Variants in RNF213 observed in about 807,000 individuals in gnomAD.
RNF213 encodes the protein E3 ubiquitin-protein ligase RNF213.
A neutral mutation model predicts 514.4 loss-of-function variants in RNF213; 341 were observed. The ratio of observed to expected loss-of-function variants is 0.66; its 90% CI spans 0.61 to 0.73. RNF213 has a LOEUF of 0.73. Ranked by LOEUF, RNF213 falls within the 30% of genes least tolerant of loss-of-function variation. The pLI is 0.00. For missense variants in RNF213, 5,767 were observed against 6,615.6 expected (o/e 0.87, Z 4.45); for synonymous variants, 2,655 against 2,658.2 (o/e 1.00, Z 0.04).
rs2078092468 is a variant in RNF213, at chr17:80,339,686, C to T, written c.5319C>T (p.Ser1773=). Residue 1773 remains serine (S), a synonymous_variant, in exon 26 of 68, where the codon AGC becomes AGT. Transcript: ENST00000582970. The part of the protein sequence containing the change: ...ELPLMLLSEF[S]LVDKLRIIME... ...CGCTGATGCTCTTATCAGAGTTCAGCCTGGTGGACAAGCTGAGGATCATCA... is the reference window on the plus strand; with the variant it reads ...CGCTGATGCTCTTATCAGAGTTCAGTCTGGTGGACAAGCTGAGGATCATCA... 2 of 1,537,080 alleles carry T rather than the reference C, an allele frequency of 1.3e-6. No homozygotes were observed. The highest frequency in any genetic ancestry group is 1.2e-5 in the South Asian group (1 of 84,056).
intron 41 of RNF213, 95 bp from the exon 42 acceptor site, chr17:80,364,338 G>C: frequency 1.3e-6 from 2 of 1,573,728 alleles, no homozygotes; most frequent in Non-Finnish European, 1.7e-6. Flanking sequence ...TGGACCCCGG[G>C]TCCCGCATCT....
chr17:80,344,929 C>G lies in RNF213; in HGVS notation c.6594C>G (p.Leu2198=), dbSNP rs769107793. The G allele has an allele frequency of 6.2e-7, 1 of 1,614,054 alleles. No homozygotes were observed. The highest frequency in any genetic ancestry group is 2.2e-5 in the East Asian group (1 of 44,896). The part of the protein sequence containing the change: ...GSVEGTPEEC[L]QHFLFHCGVI... ...TCGAAGGCACCCCGGAGGAATGCCT[C>G]CAGCATTTCCTGTTTCACTGCGGGG... Residue 2198 remains leucine (L), a synonymous_variant, in exon 29 of 68, where the codon CTC becomes CTG. Transcript: ENST00000582970.
rs1002914541 is a variant in RNF213 at position 80,353,725 on chromosome 17, C to G, written c.10578+59C>G. The stretch of plus-strand genomic sequence containing the variant: ...TGCTGGTGATGCTTCTGAGCTGCAT[C>G]TTTAAACGCTTTTGCATTGGGAGCT... On this transcript the variant is annotated intron_variant, in intron 34 of 67. Coordinates refer to ENST00000582970, the MANE Select transcript of RNF213 (RefSeq NM_001256071.3). The surrounding 1 kb of genome is among the most constrained non-coding windows in gnomAD (Gnocchi z 5.0). 6.2e-7 allele frequency: 1 copy of G among 1,607,502 alleles called. No homozygotes were observed. The highest frequency in any genetic ancestry group is 1.3e-5 in the African/African-American group (1 of 74,754).
At chr17:80,344,059 G>T (rs764432033) in intron 28 of RNF213, 44 bp downstream of exon 28, 1 of 1,597,048 alleles carries the variant, frequency 6.3e-7, no homozygotes, top group South Asian at 1.1e-5. Context: ...GGGGCTCTTG[G>T]GTTCTTTCTG....
chr17:80,386,096 T>C (rs1262265201), intron 61 of RNF213, among the ~76,000 whole-genome samples, 154 bp from the exon 62 acceptor site: 1 of 152,158 alleles, frequency 6.6e-6, no homozygotes, highest in African/African-American at 2.4e-5. Flanking sequence ...CTGAAAGCAT[T>C]TGAAACTCTA....
At chr17:80,329,245 G>A (rs1401928754) in intron 20 of RNF213, among the ~76,000 whole-genome samples, 1 of 152,232 alleles carries the variant, frequency 6.6e-6, no homozygotes, top group African/African-American at 2.4e-5. Context: ...CTGAGAAAAG[G>A]GCGTGTAAGA....
At chr17:80,342,353 T>C (rs2078177186) in intron 26 of RNF213, among the ~76,000 whole-genome samples, 1 of 152,168 alleles carries the variant, frequency 6.6e-6, no homozygotes, top group Non-Finnish European at 1.5e-5. Flanking sequence ...CCTGCTGTCC[T>C]GCGGAGGCAG....
intron 60 of RNF213, among the ~76,000 whole-genome samples, 163 bp downstream of exon 60, chr17:80,385,334 T>C (rs2080190872): frequency 2.6e-5 from 4 of 152,064 alleles, no homozygotes; most frequent in Admixed American, 2.6e-4. Flanking sequence ...CCCAAAAACA[T>C]ATTAGAAGCT....
At chr17:80,307,081 T>C (rs753992064) in intron 12 of RNF213, 47 bp from the exon 13 acceptor site, 1 of 1,577,582 alleles carries the variant, frequency 6.3e-7, no homozygotes, top group Admixed American at 1.7e-5. Flanking sequence ...GACAGTGGCA[T>C]TGTGATTCAA....
At position 80,311,467 on chromosome 17, in the gene RNF213, G is replaced by GT. The variant is rs200427673; in HGVS notation, c.2656-1542dup. 5.4e-3 allele frequency among the ~76,000 whole-genome samples: 824 copies of GT among 152,294 alleles called. 3 individuals carry two copies. The highest frequency in any genetic ancestry group is 0.01 in the Middle Eastern group (3 of 294). On this transcript the variant is annotated intron_variant, in intron 14 of 67. Coordinates refer to ENST00000582970, the MANE Select transcript of RNF213 (RefSeq NM_001256071.3). The stretch of plus-strand genomic sequence containing the variant: ...ATTGGGGGGACCTTCAGCAGTGCCT[G>GT]TTTCGTTTTCTGTCGGCCCCCGCCC...
intron 63 of RNF213, among the ~76,000 whole-genome samples, chr17:80,387,886 A>G (rs2080301308): frequency 6.6e-6 from 1 of 151,740 alleles, no homozygotes; most frequent in African/African-American, 2.4e-5. Flanking sequence ...TTCCAGCTGC[A>G]GTCATATCTA....
intron 3 of RNF213, among the ~76,000 whole-genome samples, chr17:80,276,195 G>A (rs1305209669): frequency 6.6e-6 from 1 of 151,710 alleles, no homozygotes; most frequent in Non-Finnish European, 1.5e-5. Context: ...CCACCTCCCG[G>A]GTTCAAGCGA....
chr17:80,383,546 T>C, intron 58 of RNF213, 131 bp from the exon 59 acceptor site: 3 of 888,154 alleles, frequency 3.4e-6, no homozygotes, highest in Non-Finnish European at 1.8e-6. Context: ...AGGGAATACC[T>C]GATTACATGC....
In RNF213 at chr17:80,343,389, G is replaced by C. The variant is rs1279588872; in HGVS notation, c.6183+64G>C. 6 of 1,365,620 alleles carry C rather than the reference G, an allele frequency of 4.4e-6. No individual in the cohort carries two copies. The African/African-American group carries it at 7.2e-5, about 16-fold the overall frequency. 84.6% of individuals were successfully genotyped at this position (1,365,620 alleles called of 1,614,324 possible). ...AAAGACGTGGTCCCCATGTCTCTGC[G>C]TGACTCCTCCCCGTGTATAGAATTC... On this transcript the variant is annotated intron_variant, in intron 27 of 67. Coordinates refer to ENST00000582970, the MANE Select transcript of RNF213 (RefSeq NM_001256071.3). The surrounding 1 kb of genome is among the most constrained non-coding windows in gnomAD (Gnocchi z 4.3).
intron 2 of RNF213, among the ~76,000 whole-genome samples, chr17:80,265,170 C>A (rs1208731317): frequency 6.6e-6 from 1 of 151,998 alleles, no homozygotes; most frequent in Admixed American, 6.6e-5. Flanking sequence ...CCTCAGCCTC[C>A]CAAGTAGCTG....
chr17:80,290,191 G>A (rs972891585), intron 6 of RNF213, among the ~76,000 whole-genome samples: 1 of 152,258 alleles, frequency 6.6e-6, no homozygotes, highest in African/African-American at 2.4e-5. Context: ...AGGCAGTGAA[G>A]AGAGACCTCC....
intron 67 of RNF213, 123 bp from the exon 68 acceptor site, chr17:80,393,222 C>G: frequency 1.0e-6 from 1 of 959,120 alleles, no homozygotes; most frequent in East Asian, 2.5e-5. Context: ...CTCCACTGAC[C>G]CACCCACCTC....
At position 80,345,496 on chromosome 17, in the gene RNF213, C is replaced by T. The variant is rs544543610; in HGVS notation, c.7161C>T (p.Thr2387=). 1.7e-5 allele frequency: 27 copies of T among 1,610,254 alleles called. No individual in the cohort carries two copies. The highest frequency in any genetic ancestry group is 8.8e-5 in the South Asian group (8 of 90,948). Residue 2387 remains threonine (T), a synonymous_variant, in exon 29 of 68, where the codon ACC becomes ACT. Coordinates refer to ENST00000582970, the MANE Select transcript of RNF213 (RefSeq NM_001256071.3). The surrounding 1 kb of genome is among the most constrained non-coding windows in gnomAD (Gnocchi z 6.0). Reference sequence around the variant, plus strand: ...TGACCTTAGGGATCCCCCAGGCCACCGACCCCGACAAAACGTATGAGCTCA... The same window carrying T: ...TGACCTTAGGGATCCCCCAGGCCACTGACCCCGACAAAACGTATGAGCTCA... The part of the protein sequence containing the change: ...LCLTLGIPQA[T]DPDKTYELTT...
intron 26 of RNF213, 62 bp downstream of exon 26, chr17:80,340,418 C>A (rs562696971): frequency 8.8e-6 from 13 of 1,482,116 alleles, no homozygotes; most frequent in Admixed American, 7.7e-5. Flanking sequence ...GCCCTTCCCC[C>A]CTCCAGCAGA....
Sources: gnomAD v4.1 joint callset for allele counts (sites outside exome capture counted in the v4.1 genomes callset) on GRCh38, gnomAD v4.1.1 for gene constraint, Gnocchi (gnomAD v3.1) non-coding constraint, MANE v1.5 for transcripts, NCBI Gene and HGNC (gene_info 2026-07-23, HGNC 2026-07-21) for gene names.